CACNA2D3: variants seen among roughly 807,000 people sequenced by gnomAD.
CACNA2D3 encodes voltage-dependent calcium channel subunit alpha-2/delta-3.
A neutral mutation model predicts 160.6 loss-of-function variants in CACNA2D3; 60 were observed. That is an observed-to-expected ratio of 0.37 (90% CI 0.30 to 0.46). The LOEUF is 0.46. Ranked by LOEUF, CACNA2D3 falls within the 20% of genes least tolerant of loss-of-function variation. The pLI, the probability that CACNA2D3 is intolerant of heterozygous loss-of-function variation, is 1.00. For synonymous variants in CACNA2D3, 558 were observed against 492.9 expected (o/e 1.13, Z -1.75); for missense variants, 1,205 against 1,365.0 (o/e 0.88, Z 1.85).
chr3:54,546,741 A>G (rs1702072287), intron 5 of CACNA2D3, among the ~76,000 whole-genome samples: 1 of 152,020 alleles, frequency 6.6e-6, no homozygotes, highest in Non-Finnish European at 1.5e-5. Flanking sequence ...CAGACGGTCA[A>G]CCAGTTCCAT....
At chr3:54,999,703 A>G (rs1248833958) in intron 31 of CACNA2D3, among the ~76,000 whole-genome samples, 4 of 152,328 alleles carry the variant, frequency 2.6e-5, no homozygotes, top group African/African-American at 9.6e-5. Context: ...ACAGTTGCTA[A>G]CCACCCCTAA....
intron 11 of CACNA2D3, among the ~76,000 whole-genome samples, chr3:54,691,596 G>A (rs536531876): frequency 2.6e-5 from 4 of 152,272 alleles, no homozygotes; most frequent in African/African-American, 9.6e-5. Context: ...AGACAGCTTA[G>A]AAAGAAAAGT....
chr3:54,698,903 G>A (rs962477306), intron 11 of CACNA2D3, among the ~76,000 whole-genome samples: 1 of 152,136 alleles, frequency 6.6e-6, no homozygotes, highest in African/African-American at 2.4e-5. Flanking sequence ...ATGGGAGAGC[G>A]AGCAAAAGCT....
At chr3:54,808,561 A>G (rs1184541022) in intron 13 of CACNA2D3, among the ~76,000 whole-genome samples, 2 of 152,170 alleles carry the variant, frequency 1.3e-5, no homozygotes, top group Non-Finnish European at 2.9e-5. Context: ...GCCGAGGGAA[A>G]GCGATGAGTT....
At chr3:54,297,155 A>G (rs568476360) in intron 2 of CACNA2D3, among the ~76,000 whole-genome samples, 183 of 152,288 alleles carry the variant, frequency 1.2e-3, no homozygotes, top group African/African-American at 4.1e-3. Context: ...CAGCTCTGTG[A>G]CCTTGGGCAA....
intron 11 of CACNA2D3, among the ~76,000 whole-genome samples, chr3:54,730,884 C>T (rs1043009337): frequency 2.3e-4 from 35 of 152,060 alleles, no homozygotes; most frequent in Non-Finnish European, 4.6e-4. Context: ...GCTGCATTAC[C>T]GAAACAAAAT....
intron 4 of CACNA2D3, among the ~76,000 whole-genome samples, chr3:54,478,274 T>G (rs1700864648): frequency 6.6e-6 from 1 of 152,154 alleles, no homozygotes; most frequent in Non-Finnish European, 1.5e-5. Flanking sequence ...ATCTGCAGTT[T>G]CAGTTATCTG....
At chr3:54,754,134 T>C (rs545872916) in intron 12 of CACNA2D3, among the ~76,000 whole-genome samples, 1 of 152,340 alleles carries the variant, frequency 6.6e-6, no homozygotes, top group Non-Finnish European at 1.5e-5. Flanking sequence ...CAATTCCCTG[T>C]TGCATGTCAG....
At chr3:54,867,999 C>G (rs2106814267) in intron 17 of CACNA2D3, among the ~76,000 whole-genome samples, 1 of 152,256 alleles carries the variant, frequency 6.6e-6, no homozygotes. Context: ...GGTGATTAAC[C>G]TGGAAAACAT....
intron 5 of CACNA2D3, among the ~76,000 whole-genome samples, chr3:54,550,663 T>A (rs995705152): frequency 2.0e-5 from 3 of 152,206 alleles, no homozygotes; most frequent in Non-Finnish European, 2.9e-5. Context: ...GGGACACGTT[T>A]CCCTGTTGCA....
At chr3:55,045,688 T>G (rs568001943) in intron 35 of CACNA2D3, among the ~76,000 whole-genome samples, 2 of 152,338 alleles carry the variant, frequency 1.3e-5, no homozygotes, top group East Asian at 3.9e-4. Flanking sequence ...TTGTTTTGAT[T>G]GTTTTGTATT....
chr3:54,430,270 A>G (rs749669978), intron 4 of CACNA2D3, among the ~76,000 whole-genome samples: 1 of 152,170 alleles, frequency 6.6e-6, no homozygotes, highest in Non-Finnish European at 1.5e-5. Flanking sequence ...AGATTTATCA[A>G]AATGTTGTGT....
At chr3:54,421,640 C>T (rs974529258) in intron 4 of CACNA2D3, among the ~76,000 whole-genome samples, 3 of 151,982 alleles carry the variant, frequency 2.0e-5, no homozygotes, top group East Asian at 3.9e-4. Context: ...CGGTTGTTGT[C>T]ATATTTGCTT....
At chr3:54,496,476 C>A (rs565180754) in intron 4 of CACNA2D3, among the ~76,000 whole-genome samples, 2 of 152,118 alleles carry the variant, frequency 1.3e-5, no homozygotes, top group Non-Finnish European at 2.9e-5. Flanking sequence ...CTGTTCAAAT[C>A]TTTTGCCCAT....
At chr3:54,646,134 CCTT>C (rs1699634536) in intron 11 of CACNA2D3, among the ~76,000 whole-genome samples, 1 of 28,376 alleles carries the variant, frequency 3.5e-5, no homozygotes. Flanking sequence ...TTTCTTCCTT[CCTT>C]CCTTCCTTCC....
chr3:54,850,191 A>G (rs1457134054), intron 17 of CACNA2D3, among the ~76,000 whole-genome samples: 1 of 152,168 alleles, frequency 6.6e-6, no homozygotes, highest in Admixed American at 6.5e-5. Flanking sequence ...TGGTTCAGCA[A>G]GCATTGCCCT....
At chr3:54,683,633 T>C (rs779237371) in intron 11 of CACNA2D3, among the ~76,000 whole-genome samples, 8 of 152,204 alleles carry the variant, frequency 5.3e-5, no homozygotes, top group South Asian at 2.1e-4. Context: ...GTGTTCACTG[T>C]CATGCTTCCC....
At chr3:54,464,169 C>G (rs930864502) in intron 4 of CACNA2D3, among the ~76,000 whole-genome samples, 5 of 152,116 alleles carry the variant, frequency 3.3e-5, no homozygotes, top group Admixed American at 6.5e-5. Context: ...TGTGAGGTGT[C>G]AGTCTGCCCC....
chr3:54,889,444 A>G (rs1700004017), intron 24 of CACNA2D3, among the ~76,000 whole-genome samples: 1 of 152,162 alleles, frequency 6.6e-6, no homozygotes, highest in Admixed American at 6.5e-5. Context: ...CTTGCTTCAG[A>G]GGCAAGGTCT....
Sources: allele counts gnomAD v4.1 joint callset (sites outside exome capture counted in the v4.1 genomes callset), GRCh38; gene constraint gnomAD v4.1.1; transcripts MANE v1.5; gene names NCBI Gene and HGNC (gene_info 2026-07-23, HGNC 2026-07-21).